DAGLB: variants seen among roughly 807,000 people sequenced by gnomAD.
DAGLB encodes the protein diacylglycerol lipase-beta.
In DAGLB, 66 loss-of-function variants were observed where a neutral mutation model predicts 72.1. The observed-to-expected ratio is 0.92, with a 90% CI of 0.75 to 1.12. The LOEUF (loss-of-function observed/expected upper bound fraction) is 1.12, where lower values mean the gene tolerates loss of function less well. Among genes scored for constraint, DAGLB ranks in the 50% most tolerant of loss-of-function variants. The pLI is 0.00. For missense variants in DAGLB, 1,065 were observed against 884.9 expected, an observed-to-expected ratio of 1.20 and a Z score of -2.58; for synonymous variants, 414 against 359.5, an observed-to-expected ratio of 1.15 and a Z score of -1.71.
rs140011587 is a variant in DAGLB at position 6,434,806 on chromosome 7, C to G, written c.634G>C (p.Val212Leu). 412 of 1,614,176 alleles carry G rather than the reference C, an allele frequency of 2.6e-4. No homozygotes were observed. In the Middle Eastern group the frequency reaches 4.0e-3, roughly 16 times the overall value. ...CCIGKDDHTR[V>L]AFSSTAELFS... ...AGCTCTGCCGTACTCGAAAAAGCAA[C>G]CCGAGTATGGTCGTCTTTCCCAATG... The change falls in exon 4 of 15, where the codon GTT becomes CTT. Residue 212 changes from valine to leucine, a missense_variant. By Grantham distance (32) the Val-to-Leu change is conservative (BLOSUM62 1). Transcript: ENST00000297056.
intron 4 of DAGLB, among the ~76,000 whole-genome samples, chr7:6,434,253 G>C (rs532285207): frequency 2.6e-5 from 4 of 151,436 alleles, no homozygotes; most frequent in Admixed American, 2.0e-4. Context: ...AAAAAAACAA[G>C]CATTTTCAAA....
chr7:6,439,260 GAAAAAAAAAGAAAA>G (rs562288961), intron 2 of DAGLB, among the ~76,000 whole-genome samples: 495 of 93,032 alleles, frequency 5.3e-3, no homozygotes, highest in Admixed American at 9.0e-3. Context: ...ATCTCAAAAA[GAAAAAAAAAGAAAA>G]AAAAAAAAAG....
chr7:6,430,249 G>GTATATATATA (rs1784438403), intron 6 of DAGLB, among the ~76,000 whole-genome samples: 1 of 48,090 alleles, frequency 2.1e-5, no homozygotes, highest in South Asian at 8.1e-4. Context: ...AAATACATGT[G>GTATATATATA]CATATATATA....
At chr7:6,429,263 A>G (rs1204384258) in intron 6 of DAGLB, among the ~76,000 whole-genome samples, 1 of 152,140 alleles carries the variant, frequency 6.6e-6, no homozygotes, top group Admixed American at 6.6e-5. Context: ...CCAAAAATGC[A>G]AAACATAAAT....
chr7:6,426,550 G>A (rs1025503291), intron 6 of DAGLB, among the ~76,000 whole-genome samples: 14 of 152,190 alleles, frequency 9.2e-5, no homozygotes, highest in Non-Finnish European at 1.8e-4. Flanking sequence ...GATTATAAGC[G>A]TGAGCCACTG....
At position 6,409,805 on chromosome 7, in the gene DAGLB, A is replaced by T. The variant is rs760064650; in HGVS notation, c.*32T>A. ...AGTTTAAGGACAAAAGCGTGAGTCC[A>T]TCGTTCCTGGGACAGTTTCCAGTGG... is the stretch of plus-strand genomic sequence containing the variant. On this transcript the variant is annotated 3_prime_UTR_variant, in exon 15 of 15. Coordinates refer to ENST00000297056, the MANE Select transcript of DAGLB (RefSeq NM_139179.4). 1.8e-5 allele frequency: 29 copies of T among 1,604,200 alleles called. No homozygotes were observed. The highest frequency in any genetic ancestry group is 2.5e-5 in the Non-Finnish European group (29 of 1,174,580).
At chr7:6,418,421 C>T (rs1783988821) in intron 9 of DAGLB, among the ~76,000 whole-genome samples, 1 of 151,888 alleles carries the variant, frequency 6.6e-6, no homozygotes, top group African/African-American at 2.4e-5. Context: ...AAAGCCATTC[C>T]CTACACGCAG....
At chr7:6,416,498 A>T in intron 11 of DAGLB, 129 bp downstream of exon 11, 2 of 1,364,552 alleles carry the variant, frequency 1.5e-6, no homozygotes, top group Non-Finnish European at 2.0e-6. Context: ...AGCCGAGATC[A>T]CGCCACTGCA....
intron 2 of DAGLB, among the ~76,000 whole-genome samples, chr7:6,443,250 A>G (rs1583303921): frequency 9.7e-5 from 1 of 10,272 alleles, no homozygotes; most frequent in Non-Finnish European, 1.6e-4. Context: ...TGTCTCTACT[A>G]AAAAAAAAAA....
At chr7:6,430,679 T>G in intron 5 of DAGLB, 72 bp from the exon 6 acceptor site, 1 of 1,391,964 alleles carries the variant, frequency 7.2e-7, no homozygotes, top group Non-Finnish European at 9.5e-7. Flanking sequence ...CACTGAGACC[T>G]GAAACCTGAA....
At chr7:6,434,652 CAA>C in intron 4 of DAGLB, 108 bp downstream of exon 4, 1 of 1,546,104 alleles carries the variant, frequency 6.5e-7, no homozygotes, top group East Asian at 2.3e-5. Flanking sequence ...CCCACACACC[CAA>C]AGACACCAGG....
intron 6 of DAGLB, among the ~76,000 whole-genome samples, chr7:6,429,821 G>C (rs1327171943): frequency 6.6e-6 from 1 of 151,928 alleles, no homozygotes; most frequent in African/African-American, 2.4e-5. Context: ...GAGGCAGACG[G>C]ATCACGAGGT....
intron 2 of DAGLB, among the ~76,000 whole-genome samples, chr7:6,438,347 T>G (rs1397329503): frequency 1.3e-5 from 2 of 152,070 alleles, no homozygotes; most frequent in Non-Finnish European, 2.9e-5. Flanking sequence ...ACTTAAAGTA[T>G]AAAAATAATT....
chr7:6,436,563 A>T (rs780108970), intron 2 of DAGLB, 30 bp from the exon 3 acceptor site: 2 of 1,613,150 alleles, frequency 1.2e-6, no homozygotes, highest in African/African-American at 2.7e-5. Context: ...CCGACTGCTC[A>T]GTTGCTTCCT....
At chr7:6,441,905 G>C (rs1242909354) in intron 2 of DAGLB, among the ~76,000 whole-genome samples, 1 of 152,138 alleles carries the variant, frequency 6.6e-6, no homozygotes, top group Admixed American at 6.6e-5. Context: ...GAGTGCAGAA[G>C]CAAGACGGCA....
chr7:6,410,798 G>C (rs1042253866), intron 13 of DAGLB, among the ~76,000 whole-genome samples: 1 of 151,990 alleles, frequency 6.6e-6, no homozygotes, highest in South Asian at 2.1e-4. Flanking sequence ...TCTGCCTCCC[G>C]AATTCAAGCG....
Position 6,420,667 on chromosome 7 carries a change from G to A in DAGLB, c.1218+1060C>T, listed in dbSNP as rs115286533. On this transcript the variant is annotated intron_variant, in intron 9 of 14. Coordinates refer to ENST00000297056, the MANE Select transcript of DAGLB (RefSeq NM_139179.4). Reference sequence around the variant, plus strand: ...GGCACTGTGAACGCACTGGATGCCCGGAACTATACACTAACGACCAACGAA... The same window carrying A: ...GGCACTGTGAACGCACTGGATGCCCAGAACTATACACTAACGACCAACGAA... Among the ~76,000 whole-genome samples the A allele has an allele frequency of 4.4e-3, 664 of 152,222 alleles. 2 individuals are homozygous for A. The highest frequency in any genetic ancestry group is 0.015 in the African/African-American group (636 of 41,518).
chr7:6,413,788 C>T lies in DAGLB; in HGVS notation c.1428-754G>A, dbSNP rs147367038. Among the ~76,000 whole-genome samples the T allele has an allele frequency of 1.1e-3, 162 of 152,350 alleles. 1 individual carries two copies. The highest frequency in any genetic ancestry group is 9.6e-3 in the Admixed American group (147 of 15,296). On this transcript the variant is annotated intron_variant, in intron 11 of 14. Coordinates refer to ENST00000297056, the MANE Select transcript of DAGLB (RefSeq NM_139179.4). ...CCCAACAACGAGTCACATAATAGTG[C>T]GTCCCGCACAGCTGGGAGAAGGAGG...
chr7:6,437,256 G>A (rs987249683), intron 2 of DAGLB, among the ~76,000 whole-genome samples: 1 of 151,758 alleles, frequency 6.6e-6, no homozygotes, highest in Non-Finnish European at 1.5e-5. Flanking sequence ...GGGATATATG[G>A]TCACCCAAGT....
Sources: gnomAD v4.1 joint callset for allele counts (sites outside exome capture counted in the v4.1 genomes callset) on GRCh38, gnomAD v4.1.1 for gene constraint, MANE v1.5 for transcripts, NCBI Gene and HGNC (gene_info 2026-07-23, HGNC 2026-07-21) for gene names.